The following PAPSS1 variants were observed in gnomAD, a reference collection of about 807,000 sequenced individuals.
PAPSS1 encodes 3'-phosphoadenosine 5'-phosphosulfate synthase 1, also known as bifunctional 3'-phosphoadenosine 5'-phosphosulfate synthase 1.
PAPSS1 carries 50 observed loss-of-function variants against 72.0 expected under a neutral mutation model. The observed-to-expected ratio is 0.69, with a 90% CI of 0.55 to 0.88. The LOEUF is 0.88. Among genes scored for constraint, PAPSS1 ranks in the 40% least tolerant of loss-of-function variants. The pLI, the probability that PAPSS1 is intolerant of heterozygous loss-of-function variation, is 0.00. For missense variants in PAPSS1, 657 were observed against 782.2 expected (o/e 0.84, Z 1.91); for synonymous variants, 261 against 263.6 (o/e 0.99, Z 0.09).
At chr4:107,640,467 CGTT>C (rs776872608) in intron 10 of PAPSS1, among the ~76,000 whole-genome samples, 19 of 152,054 alleles carry the variant, frequency 1.2e-4, no homozygotes, top group African/African-American at 2.2e-4. Context: ...AAGGAAGAGT[CGTT>C]GTTTTTATTT....
At chr4:107,687,813 C>T (rs1468444041) in intron 3 of PAPSS1, among the ~76,000 whole-genome samples, 1 of 152,098 alleles carries the variant, frequency 6.6e-6, no homozygotes, top group African/African-American at 2.4e-5. Context: ...CATTTATACT[C>T]CATTAATCAA....
At chr4:107,699,412 A>G (rs1229681086) in intron 2 of PAPSS1, among the ~76,000 whole-genome samples, 1 of 152,216 alleles carries the variant, frequency 6.6e-6, no homozygotes, top group Admixed American at 6.5e-5. Context: ...ACAGACAAAT[A>G]TATCAGTGGG....
chr4:107,675,366 C>T (rs1486986390), intron 5 of PAPSS1, among the ~76,000 whole-genome samples: 1 of 152,006 alleles, frequency 6.6e-6, no homozygotes, highest in Non-Finnish European at 1.5e-5. Flanking sequence ...ACCCCCGATC[C>T]CACAGAAATA....
At chr4:107,625,553 G>A (rs573314220) in intron 11 of PAPSS1, among the ~76,000 whole-genome samples, 6 of 152,218 alleles carry the variant, frequency 3.9e-5, no homozygotes, top group South Asian at 4.2e-4. Flanking sequence ...AACTGAACTC[G>A]GCTAATAACA....
At chr4:107,661,997 T>A (rs1027656467) in intron 5 of PAPSS1, among the ~76,000 whole-genome samples, 1 of 152,222 alleles carries the variant, frequency 6.6e-6, no homozygotes, top group African/African-American at 2.4e-5. Context: ...TGGCTAAATA[T>A]GTGCCAAAAT....
In PAPSS1 at chr4:107,655,166, T is replaced by C. The variant is rs149315548; in HGVS notation, c.896-266A>G. 5.9e-5 allele frequency among the ~76,000 whole-genome samples: 9 copies of C among 151,522 alleles called. No homozygotes were observed. The East Asian group carries it at 1.7e-3, about 29-fold the overall frequency. On this transcript the variant is annotated intron_variant, in intron 7 of 11. Transcript: ENST00000265174. ...CAAACTGTTTTTGGGTACAACATTTTGGTATAGAATTACATAAGTAAAACA... is the reference window on the plus strand; with the variant it reads ...CAAACTGTTTTTGGGTACAACATTTCGGTATAGAATTACATAAGTAAAACA...
At position 107,710,983 on chromosome 4, in the gene PAPSS1, C is replaced by T. The variant is rs557652660; in HGVS notation, c.60+9137G>A. Among the ~76,000 whole-genome samples the T allele has an allele frequency of 9.2e-5, 14 of 152,350 alleles. No individual in the cohort carries two copies. In the South Asian group the frequency reaches 2.7e-3, roughly 29 times the overall value. On this transcript the variant is annotated intron_variant, in intron 1 of 11. Transcript: ENST00000265174. ...TGCGCTGTAAACTCGCTGAGTCATT[C>T]TGGACGTTTGCCTCGACCTATCCTT...
chr4:107,709,463 C>T (rs1260399760), intron 1 of PAPSS1, among the ~76,000 whole-genome samples: 1 of 152,170 alleles, frequency 6.6e-6, no homozygotes, highest in African/African-American at 2.4e-5. Context: ...AGTAAACCAT[C>T]TTTTAAAGCT....
intron 4 of PAPSS1, among the ~76,000 whole-genome samples, chr4:107,685,493 T>A (rs185699349): frequency 2.8e-4 from 42 of 152,344 alleles, no homozygotes; most frequent in Middle Eastern, 3.4e-3. Context: ...ACACAAAGAC[T>A]GAAGTGAAAA....
At chr4:107,639,894 A>T (rs1277590011) in intron 10 of PAPSS1, among the ~76,000 whole-genome samples, 1 of 152,226 alleles carries the variant, frequency 6.6e-6, no homozygotes, top group Non-Finnish European at 1.5e-5. Context: ...TCCCTGGTGA[A>T]GGGTATCCAC....
chr4:107,678,246 T>TAAAC (rs3035994), intron 5 of PAPSS1, among the ~76,000 whole-genome samples: 1 of 151,218 alleles, frequency 6.6e-6, no homozygotes, highest in Non-Finnish European at 1.5e-5. Flanking sequence ...ATAAAAAAAA[T>TAAAC]AAGAGATGGA....
chr4:107,716,822 G>T (rs1723651062), intron 1 of PAPSS1, among the ~76,000 whole-genome samples: 1 of 152,186 alleles, frequency 6.6e-6, no homozygotes, highest in Admixed American at 6.5e-5. Context: ...CCATTTCCCA[G>T]AGCTGTAAGA....
intron 5 of PAPSS1, among the ~76,000 whole-genome samples, chr4:107,676,684 C>T (rs1369266156): frequency 2.0e-5 from 3 of 152,182 alleles, no homozygotes; most frequent in Admixed American, 6.5e-5. Context: ...GAAAAAACTA[C>T]TTTAAAGTTC....
At chr4:107,718,117 G>A (rs1723683115) in intron 1 of PAPSS1, among the ~76,000 whole-genome samples, 1 of 152,198 alleles carries the variant, frequency 6.6e-6, no homozygotes, top group African/African-American at 2.4e-5. Context: ...TTTATCCTGT[G>A]ATAGGAATTT....
intron 1 of PAPSS1, among the ~76,000 whole-genome samples, chr4:107,710,434 T>A (rs947312580): frequency 2.6e-5 from 4 of 152,228 alleles, no homozygotes; most frequent in African/African-American, 9.6e-5. Flanking sequence ...TTATTTGTCT[T>A]CTTGTGCCTA....
intron 5 of PAPSS1, among the ~76,000 whole-genome samples, chr4:107,671,764 T>C (rs1727473888): frequency 6.6e-6 from 1 of 152,220 alleles, no homozygotes. Flanking sequence ...CTTCATATCA[T>C]CTCTGGATTA....
At chr4:107,704,340 T>C (rs1016935067) in intron 1 of PAPSS1, among the ~76,000 whole-genome samples, 5 of 152,228 alleles carry the variant, frequency 3.3e-5, no homozygotes, top group Non-Finnish European at 5.9e-5. Context: ...TTTATTTATT[T>C]CTCGTCTAAG....
At chr4:107,649,218 AG>A (rs1726776783) in intron 9 of PAPSS1, among the ~76,000 whole-genome samples, 1 of 152,222 alleles carries the variant, frequency 6.6e-6, no homozygotes, top group Non-Finnish European at 1.5e-5. Flanking sequence ...AGGCAACCAG[AG>A]GATGGACGGA....
chr4:107,692,613 G>T (rs941466946), intron 3 of PAPSS1, among the ~76,000 whole-genome samples: 6 of 152,142 alleles, frequency 3.9e-5, no homozygotes, highest in Non-Finnish European at 8.8e-5. Context: ...AATACCATTT[G>T]ACCCAGCAAT....
Sources: allele counts gnomAD v4.1 joint callset (sites outside exome capture counted in the v4.1 genomes callset), GRCh38; gene constraint gnomAD v4.1.1; transcripts MANE v1.5; gene names NCBI Gene and HGNC (gene_info 2026-07-23, HGNC 2026-07-21).